ZNF536: variants seen among roughly 807,000 people sequenced by gnomAD.
The protein encoded by ZNF536 is zinc finger protein 536.
In ZNF536, 13 loss-of-function variants were observed where a neutral mutation model predicts 84.5. That is an observed-to-expected ratio of 0.15 (90% CI 0.10 to 0.24). The LOEUF (loss-of-function observed/expected upper bound fraction) is 0.24. Ranked by LOEUF, ZNF536 falls within the 10% of genes least tolerant of loss-of-function variation. ZNF536 has a pLI of 1.00. For synonymous variants in ZNF536, 811 were observed against 742.5 expected (o/e 1.09, Z -1.50); for missense variants, 1,536 against 1,747.5 (o/e 0.88, Z 2.16).
chr19:30,234,397 C>CT (rs5827694), intron 1 of ZNF536, among the ~76,000 whole-genome samples: 48,280 of 82,400 alleles, frequency 0.59, 14,919 homozygotes, highest in Admixed American at 0.62. Flanking sequence ...AGGCTCCTTC[C>CT]TTTTTTTTTT....
chr19:30,706,808 G>T (rs964804545), intron 1 of ZNF536, among the ~76,000 whole-genome samples: 1 of 152,300 alleles, frequency 6.6e-6, no homozygotes, highest in East Asian at 1.9e-4. Flanking sequence ...CTGAGCCATG[G>T]TAATTAGGAC....
chr19:30,436,292 G>T (rs953011469), intron 1 of ZNF536, among the ~76,000 whole-genome samples: 2 of 152,114 alleles, frequency 1.3e-5, no homozygotes, highest in African/African-American at 4.8e-5. Context: ...ACTATTTCTG[G>T]CCCCATCTCA....
rs1351141961 is a variant in ZNF536 at position 30,534,921 on chromosome 19, G to A, written c.2245G>A (p.Ala749Thr). The A allele has an allele frequency of 6.2e-6, 10 of 1,613,840 alleles. No individual in the cohort carries two copies. The Admixed American group carries it at 1.3e-4, about 22-fold the overall frequency. The stretch of plus-strand genomic sequence containing the variant: ...GCTTCGCGACAGAAGCCTGGGCTCG[G>A]CCATGAAGGACTGCCCGTACTGTGG... ...ALLRDRSLGS[A>T]MKDCPYCGKT... The change falls in exon 3 of 5, where the codon GCC becomes ACC. Residue 749 changes from alanine to threonine, a missense_variant. Physicochemically the swap from Ala to Thr is moderately conservative, Grantham distance 58. Coordinates refer to ENST00000355537, the MANE Select transcript of ZNF536 (RefSeq NM_014717.3).
intron 1 of ZNF536, 83 bp from the exon 2 acceptor site, chr19:30,443,478 G>C (rs10411126): frequency 0.71 from 1,044,615 of 1,477,818 alleles, 372,902 homozygotes; most frequent in African/African-American, 0.79. Flanking sequence ...GCATGAAATG[G>C]AAATTCCCTG....
intron 1 of ZNF536, among the ~76,000 whole-genome samples, chr19:30,231,820 GTC>G (rs1432589944): frequency 6.6e-6 from 1 of 151,938 alleles, no homozygotes; most frequent in East Asian, 1.9e-4. Context: ...GTGTGTGTGT[GTC>G]TGTCTGTCTG....
intron 1 of ZNF536, among the ~76,000 whole-genome samples, chr19:30,642,121 G>A (rs1207462563): frequency 1.3e-5 from 2 of 152,190 alleles, no homozygotes; most frequent in Non-Finnish European, 2.9e-5. Flanking sequence ...TATTTTAGAT[G>A]CATTGTGAGC....
At chr19:30,410,095 G>A (rs1194226335) in intron 1 of ZNF536, among the ~76,000 whole-genome samples, 1 of 151,994 alleles carries the variant, frequency 6.6e-6, no homozygotes, top group Non-Finnish European at 1.5e-5. Flanking sequence ...GTTTTCTAAT[G>A]AGATAAAGGG....
At chr19:30,597,144 C>T (rs548677098) in intron 1 of ZNF536, among the ~76,000 whole-genome samples, 39 of 152,232 alleles carry the variant, frequency 2.6e-4, no homozygotes, top group Non-Finnish European at 5.4e-4. Flanking sequence ...GATCCCTGCA[C>T]CAGTGCGCAA....
chr19:30,406,084 CTA>C (rs1377745797), intron 1 of ZNF536, among the ~76,000 whole-genome samples: 1 of 152,214 alleles, frequency 6.6e-6, no homozygotes, highest in African/African-American at 2.4e-5. Flanking sequence ...GCCACTGTTT[CTA>C]TCTTATCAGA....
chr19:30,577,668 T>C (rs181007869), intron 1 of ZNF536, among the ~76,000 whole-genome samples: 66 of 152,316 alleles, frequency 4.3e-4, no homozygotes, highest in African/African-American at 1.5e-3. Context: ...TCCATTTTCG[T>C]CTGATTAATA....
At chr19:30,592,804 C>T (rs2047320493) in intron 1 of ZNF536, among the ~76,000 whole-genome samples, 1 of 151,994 alleles carries the variant, frequency 6.6e-6, no homozygotes, top group African/African-American at 2.4e-5. Flanking sequence ...ATCCGCTGTG[C>T]TACTGTTTAG....
intron 2 of ZNF536, among the ~76,000 whole-genome samples, chr19:30,338,637 T>C (rs576037836): frequency 5.3e-5 from 8 of 152,250 alleles, no homozygotes; most frequent in African/African-American, 1.9e-4. Context: ...TGGGAGAAAC[T>C]ACTTGACCTC....
intron 2 of ZNF536, among the ~76,000 whole-genome samples, chr19:30,296,745 G>C (rs770162715): frequency 6.6e-6 from 1 of 152,214 alleles, no homozygotes; most frequent in Non-Finnish European, 1.5e-5. Flanking sequence ...GCTTGGGGCA[G>C]AGGCTGCGAG....
intron 2 of ZNF536, among the ~76,000 whole-genome samples, chr19:30,495,133 T>C (rs1022716197): frequency 6.6e-6 from 1 of 152,148 alleles, no homozygotes; most frequent in Non-Finnish European, 1.5e-5. Flanking sequence ...AAGTAAACCT[T>C]GTAAACACTA....
At chr19:30,336,197 T>A (rs1355090595) in intron 2 of ZNF536, among the ~76,000 whole-genome samples, 3 of 152,188 alleles carry the variant, frequency 2.0e-5, no homozygotes, top group African/African-American at 7.2e-5. Flanking sequence ...ACGGGGGACT[T>A]GAGTCCAGCT....
intron 1 of ZNF536, among the ~76,000 whole-genome samples, chr19:30,660,702 G>A (rs2050091581): frequency 6.6e-6 from 1 of 152,118 alleles, no homozygotes; most frequent in Non-Finnish European, 1.5e-5. Flanking sequence ...GCTTTAAAAG[G>A]TTCCTATCGA....
intron 2 of ZNF536, among the ~76,000 whole-genome samples, chr19:30,303,560 T>C (rs543799972): frequency 1.3e-5 from 2 of 152,044 alleles, no homozygotes; most frequent in Admixed American, 6.5e-5. Flanking sequence ...TGGAGTGCAG[T>C]GGTGCAATCT....
At position 30,324,275 on chromosome 19, in the gene ZNF536, C is replaced by T. The variant is rs1219486077; in HGVS notation, c.-119-28093C>T. 9.2e-5 allele frequency among the ~76,000 whole-genome samples: 14 copies of T among 152,330 alleles called. No homozygotes were observed. In the East Asian group the frequency reaches 2.3e-3, roughly 25 times the overall value. On this transcript the variant is annotated intron_variant, in intron 2 of 5. Coordinates refer to the ZNF536 transcript ENST00000585628. ...ATCCCATCCATCATCCATCAATCAT[C>T]CATCATCAATTTTTTTATCCTTCCA...
intron 1 of ZNF536, among the ~76,000 whole-genome samples, chr19:30,637,393 C>T (rs1337810850): frequency 2.0e-5 from 3 of 152,208 alleles, no homozygotes; most frequent in East Asian, 1.9e-4. Flanking sequence ...TGTCCATCCC[C>T]TGTGGAAGGA....
Sources: allele counts gnomAD v4.1 joint callset (sites outside exome capture counted in the v4.1 genomes callset), GRCh38; gene constraint gnomAD v4.1.1; transcripts MANE v1.5; gene names NCBI Gene and HGNC (gene_info 2026-07-23, HGNC 2026-07-21).